The following TRPM4 variants were observed in gnomAD, a reference collection of about 807,000 sequenced individuals.
The protein encoded by TRPM4 is transient receptor potential cation channel subfamily M member 4, also known as calcium-activated non-selective cation channel 1.
Under a neutral mutation model 135.6 loss-of-function variants are expected in TRPM4, and 124 were observed. The observed-to-expected ratio is 0.91, with a 90% CI of 0.79 to 1.06. The LOEUF is 1.06. Ranked by LOEUF, TRPM4 falls within the 50% of genes least tolerant of loss-of-function variation. The pLI, the probability that TRPM4 is intolerant of heterozygous loss-of-function variation, is 0.00. For synonymous variants in TRPM4, 745 were observed against 705.6 expected (o/e 1.06, Z -0.88); for missense variants, 1,658 against 1,671.4 (o/e 0.99, Z 0.14).
At chr19:49,182,074 ATCCATCCATCCATCCATCTG>A (rs1568470215) in intron 10 of TRPM4, among the ~76,000 whole-genome samples, 42 of 133,644 alleles carry the variant, frequency 3.1e-4, no homozygotes, top group African/African-American at 1.1e-3. Flanking sequence ...CCATCCATCC[ATCCATCCATCCATCCATCTG>A]TCCATCCATC....
intron 5 of TRPM4, 57 bp downstream of exon 5, chr19:49,168,480 G>A (rs1230787838): frequency 5.6e-6 from 9 of 1,613,580 alleles, no homozygotes; most frequent in Non-Finnish European, 7.6e-6. Flanking sequence ...GGGTCTGAGG[G>A]AGGAGGAGGG....
At chr19:49,181,163 G>A (rs980307311) in intron 9 of TRPM4, among the ~76,000 whole-genome samples, 186 bp from the exon 10 acceptor site, 3 of 152,080 alleles carry the variant, frequency 2.0e-5, no homozygotes, top group African/African-American at 7.2e-5. Flanking sequence ...TCTGTGCTCT[G>A]GCCCTGAGCC....
At chr19:49,163,276 A>C in intron 2 of TRPM4, among the ~76,000 whole-genome samples, 1 of 150,010 alleles carries the variant, frequency 6.7e-6, no homozygotes, top group African/African-American at 2.5e-5. Flanking sequence ...GCTCATCACA[A>C]CCTCCGTCTC....
intron 12 of TRPM4, 64 bp from the exon 13 acceptor site, chr19:49,188,577 C>T: frequency 6.2e-7 from 1 of 1,612,412 alleles, no homozygotes; most frequent in Non-Finnish European, 8.5e-7. Flanking sequence ...CTTCCCTTGA[C>T]TTCAGGCTTC....
At chr19:49,192,407 T>C (rs1424907734) in intron 16 of TRPM4, among the ~76,000 whole-genome samples, 1 of 152,188 alleles carries the variant, frequency 6.6e-6, no homozygotes, top group Non-Finnish European at 1.5e-5. Flanking sequence ...CCTCCCAAAA[T>C]GCTGGGATTA....
At position 49,210,553 on chromosome 19, in the gene TRPM4, A is replaced by C. The variant is rs1969316779; in HGVS notation, c.3328+148A>C. ...AAGCAACAAGGGGCGGAGCTTAAGCACTGAGGGGCAGTGCTTACGGGTGAG... is the reference window on the plus strand; with the variant it reads ...AAGCAACAAGGGGCGGAGCTTAAGCCCTGAGGGGCAGTGCTTACGGGTGAG... On this transcript the variant is annotated intron_variant, in intron 21 of 24. Coordinates refer to ENST00000252826, the MANE Select transcript of TRPM4 (RefSeq NM_017636.4). The surrounding 1 kb of genome is among the most constrained non-coding windows in gnomAD (Gnocchi z 4.1). 1.4e-6 allele frequency: 2 copies of C among 1,416,422 alleles called. No individual in the cohort carries two copies. 87.7% of individuals were successfully genotyped at this position (1,416,422 alleles called of 1,614,324 possible). A position where few individuals can be genotyped will look rare whatever the true frequency, so the allele number is the denominator to read the frequency against.
chr19:49,168,548 C>T lies in TRPM4; in HGVS notation c.613-5C>T, dbSNP rs747796161. On this transcript the variant is annotated splice_region_variant and splice_polypyrimidine_tract_variant and intron_variant, in intron 5 of 24. Transcript: ENST00000252826. ...GACGCCCTGGTCTGGCCATTTTTCC[C>T]CTAGGGCTCGTTCCCTGCGAGGTAC... The T allele has an allele frequency of 4.7e-5, 76 of 1,613,748 alleles. 1 individual carries two copies. The Admixed American group carries it at 1.3e-3, about 27-fold the overall frequency.
chr19:49,186,742 G>A (rs12981817), intron 12 of TRPM4, among the ~76,000 whole-genome samples: 51,025 of 151,700 alleles, frequency 0.34, 8,829 homozygotes, highest in African/African-American at 0.42. Flanking sequence ...GCATGGTGGC[G>A]CATATCTGTA....
At chr19:49,191,351 A>C (rs920455002) in intron 16 of TRPM4, among the ~76,000 whole-genome samples, 1 of 150,808 alleles carries the variant, frequency 6.6e-6, no homozygotes, top group African/African-American at 2.4e-5. Flanking sequence ...GTAGAAGTGC[A>C]TGCCACTACG....
intron 10 of TRPM4, among the ~76,000 whole-genome samples, chr19:49,182,275 T>C (rs1407850743): frequency 1.3e-5 from 2 of 150,728 alleles, no homozygotes; most frequent in African/African-American, 2.5e-5. Context: ...CATCTGTCCA[T>C]CCATCCATCT....
chr19:49,187,714 C>T (rs1385526269), intron 12 of TRPM4, among the ~76,000 whole-genome samples: 1 of 152,092 alleles, frequency 6.6e-6, no homozygotes, highest in African/African-American at 2.4e-5. Flanking sequence ...TGCGGGAGAC[C>T]TCAGTTTTAT....
Position 49,210,869 on chromosome 19 carries a change from G to C in TRPM4, c.3461+27G>C. On this transcript the variant is annotated intron_variant, in intron 22 of 24. Coordinates refer to ENST00000252826, the MANE Select transcript of TRPM4 (RefSeq NM_017636.4). This position sits in a 1 kb window ranked among gnomAD's most constrained non-coding sequence, Gnocchi z 4.1. ...TGAGAGCGGGGCCTGGTCGGGGATG[G>C]GGCTTCTGGCCTGGGGCGGATCCTG... is the stretch of plus-strand genomic sequence containing the variant. 1 of 1,600,504 alleles carries C rather than the reference G, an allele frequency of 6.2e-7. No homozygotes were observed. Among genetic ancestry groups the C allele is most frequent in the East Asian group, 2.3e-5 (1 of 44,378 alleles).
intron 17 of TRPM4, among the ~76,000 whole-genome samples, chr19:49,199,063 G>T (rs34639121): frequency 6.6e-6 from 1 of 151,816 alleles, no homozygotes; most frequent in Admixed American, 6.6e-5. Context: ...TTGAGGCCAT[G>T]CTCGACAATG....
At chr19:49,200,876 C>T (rs1968904244) in intron 19 of TRPM4, 91 bp downstream of exon 19, 2 of 1,352,736 alleles carry the variant, frequency 1.5e-6, no homozygotes, top group Non-Finnish European at 2.1e-6. Flanking sequence ...AAATATCTGT[C>T]TCTCTGAGTC....
chr19:49,158,138 G>A, intron 1 of TRPM4, 54 bp from the exon 2 acceptor site: 1 of 1,553,178 alleles, frequency 6.4e-7, no homozygotes, highest in Non-Finnish European at 8.9e-7. Flanking sequence ...CCATAGGACA[G>A]AACTGGGTGC....
At chr19:49,168,457 G>C (rs769040648) in intron 5 of TRPM4, 34 bp downstream of exon 5, 1 of 1,613,878 alleles carries the variant, frequency 6.2e-7, no homozygotes, top group East Asian at 2.2e-5. Context: ...GGGGGCTGGA[G>C]GCCTGGACTC....
chr19:49,202,857 A>G (rs1246323977), intron 20 of TRPM4, among the ~76,000 whole-genome samples: 2 of 130,900 alleles, frequency 1.5e-5, no homozygotes, highest in Admixed American at 7.3e-5. Context: ...TGGTAAAATT[A>G]TATAAAATTT....
chr19:49,163,042 A>G (rs1010434470), intron 2 of TRPM4, among the ~76,000 whole-genome samples: 24 of 151,958 alleles, frequency 1.6e-4, no homozygotes, highest in Non-Finnish European at 1.2e-4. Context: ...GATTACAGGC[A>G]TGAACCACTG....
At chr19:49,178,597 TGAG>T (rs940986225) in intron 9 of TRPM4, among the ~76,000 whole-genome samples, 3 of 151,702 alleles carry the variant, frequency 2.0e-5, no homozygotes, top group African/African-American at 7.3e-5. Context: ...ATTCCTGAGA[TGAG>T]GACGTAGGGA....
Sources: gnomAD v4.1 joint callset for allele counts (sites outside exome capture counted in the v4.1 genomes callset) on GRCh38, gnomAD v4.1.1 for gene constraint, Gnocchi (gnomAD v3.1) non-coding constraint, MANE v1.5 for transcripts, NCBI Gene and HGNC (gene_info 2026-07-23, HGNC 2026-07-21) for gene names.